Variants in CHEK2 observed in about 807,000 individuals in gnomAD.
CHEK2 encodes the protein checkpoint kinase 2, also known as serine/threonine-protein kinase Chk2.
In CHEK2, 71 loss-of-function variants were observed where a neutral mutation model predicts 69.1. The observed-to-expected ratio is 1.03, with a 90% CI of 0.85 to 1.25. The LOEUF (loss-of-function observed/expected upper bound fraction) is 1.25, where lower values mean the gene tolerates loss of function less well. Ranked by LOEUF, CHEK2 falls within the 50% of genes most tolerant of loss-of-function variation. The pLI is 0.00. For missense variants in CHEK2, 664 were observed against 649.6 expected (o/e 1.02, Z -0.24); for synonymous variants, 189 against 226.9 (o/e 0.83, Z 1.50).
intron 7 of CHEK2, among the ~76,000 whole-genome samples, chr22:28,704,522 A>G (rs985386718): frequency 6.6e-6 from 1 of 151,900 alleles, no homozygotes; most frequent in Non-Finnish European, 1.5e-5. Context: ...TAGTAGAGAG[A>G]GGGTTTCACC....
intron 2 of CHEK2, among the ~76,000 whole-genome samples, chr22:28,732,288 T>C (rs921274812): frequency 6.6e-6 from 1 of 152,100 alleles, no homozygotes; most frequent in Non-Finnish European, 1.5e-5. Flanking sequence ...ATTTTGTATT[T>C]TTAGTAGAGA....
intron 12 of CHEK2, among the ~76,000 whole-genome samples, 170 bp from the exon 13 acceptor site, chr22:28,694,287 G>A (rs894514026): frequency 6.6e-6 from 1 of 152,214 alleles, no homozygotes; most frequent in Non-Finnish European, 1.5e-5. Context: ...TCAGAGTACT[G>A]TGAGAAGACC....
At chr22:28,694,005 T>C (rs780697335) in intron 13 of CHEK2, 27 bp downstream of exon 13, 12 of 1,447,318 alleles carry the variant, frequency 8.3e-6, no homozygotes, top group South Asian at 1.1e-5. Flanking sequence ...ATGTATTTTA[T>C]GCTAGCAGGC....
intron 2 of CHEK2, chr22:28,726,313 G>A (rs1180927166): frequency 6.6e-6 from 1 of 151,486 alleles, no homozygotes; most frequent in Non-Finnish European, 1.5e-5. Flanking sequence ...ATGCTACAAT[G>A]GGCTGTGATC....
intron 5 of CHEK2, 136 bp downstream of exon 5, chr22:28,719,258 TA>T (rs1488393946): frequency 2.2e-5 from 11 of 490,538 alleles, no homozygotes; most frequent in Non-Finnish European, 4.0e-5. Context: ...AAAATAAAAA[TA>T]AAAAATAATA....
intron 5 of CHEK2, among the ~76,000 whole-genome samples, chr22:28,713,460 C>T (rs1400749462): frequency 2.0e-5 from 3 of 148,510 alleles, no homozygotes; most frequent in African/African-American, 5.0e-5. Flanking sequence ...CCCGGGTTCA[C>T]GCCATTCTGC....
chr22:28,741,796 T>A lies in CHEK2; in HGVS notation c.-34A>T, dbSNP rs121908696. Reference sequence around the variant, plus strand: ...CGTGAGCCCACCTGGAGCCGCACACTCTCCGCAGCCTCAGCCAGCAGAGTG... The same window carrying A: ...CGTGAGCCCACCTGGAGCCGCACACACTCCGCAGCCTCAGCCAGCAGAGTG... On this transcript the variant is annotated 5_prime_UTR_variant, in exon 1 of 15. Coordinates refer to ENST00000404276, the MANE Select transcript of CHEK2 (RefSeq NM_007194.4). The A allele has an allele frequency of 4.0e-6, 2 of 496,772 alleles. No individual in the cohort carries two copies. Among genetic ancestry groups the A allele is most frequent in the Non-Finnish European group, 7.3e-6 (2 of 273,490 alleles). 30.8% of individuals were successfully genotyped at this position (496,772 alleles called of 1,614,324 possible).
intron 7 of CHEK2, among the ~76,000 whole-genome samples, chr22:28,706,780 C>T (rs190465836): frequency 1.3e-5 from 2 of 152,028 alleles, no homozygotes; most frequent in Admixed American, 1.3e-4. Flanking sequence ...TTAGCTGAGC[C>T]TGGTGGTGGG....
intron 9 of CHEK2, among the ~76,000 whole-genome samples, chr22:28,699,425 G>A (rs958060826): frequency 1.4e-5 from 2 of 138,180 alleles, no homozygotes; most frequent in Non-Finnish European, 3.0e-5. Context: ...GAGCACAGTG[G>A]CATGATCTCA....
At chr22:28,722,232 T>C (rs2053811180) in intron 4 of CHEK2, among the ~76,000 whole-genome samples, 1 of 151,796 alleles carries the variant, frequency 6.6e-6, no homozygotes, top group Admixed American at 6.6e-5. Flanking sequence ...GCCCTGACTA[T>C]AACTGTCAGA....
At chr22:28,706,879 G>A (rs959552497) in intron 7 of CHEK2, among the ~76,000 whole-genome samples, 1 of 152,144 alleles carries the variant, frequency 6.6e-6, no homozygotes, top group Non-Finnish European at 1.5e-5. Context: ...TCATGCCACT[G>A]CACTCCAGCC....
chr22:28,701,902 T>C (rs2052865913), intron 8 of CHEK2, among the ~76,000 whole-genome samples: 1 of 152,026 alleles, frequency 6.6e-6, no homozygotes, highest in Admixed American at 6.5e-5. Context: ...AAGCCCTTTA[T>C]ATAAAATGGC....
intron 14 of CHEK2, among the ~76,000 whole-genome samples, chr22:28,688,231 C>A (rs2145741682): frequency 6.6e-6 from 1 of 152,296 alleles, no homozygotes; most frequent in South Asian, 2.1e-4. Context: ...ATACTGAAAG[C>A]AAGTAGCATA....
At chr22:28,713,160 A>G (rs2053463904) in intron 5 of CHEK2, among the ~76,000 whole-genome samples, 1 of 152,192 alleles carries the variant, frequency 6.6e-6, no homozygotes, top group African/African-American at 2.4e-5. Flanking sequence ...TCCTTTTTAC[A>G]GCTGAATAAT....
intron 8 of CHEK2, 66 bp from the exon 9 acceptor site, chr22:28,700,003 A>T: frequency 2.0e-6 from 2 of 999,030 alleles, no homozygotes; most frequent in Non-Finnish European, 3.1e-6. Flanking sequence ...AGAAGACAAT[A>T]AAACAACAAA....
At chr22:28,717,044 C>T (rs553845902) in intron 5 of CHEK2, among the ~76,000 whole-genome samples, 1 of 152,268 alleles carries the variant, frequency 6.6e-6, no homozygotes, top group South Asian at 2.1e-4. Context: ...TGAACAGTGC[C>T]TCTCTTCTCA....
intron 2 of CHEK2, among the ~76,000 whole-genome samples, chr22:28,729,934 T>C (rs1021606909): frequency 1.3e-4 from 19 of 151,778 alleles, no homozygotes; most frequent in Non-Finnish European, 2.5e-4. Flanking sequence ...CATTTTTTTT[T>C]TCTTTTGAGT....
chr22:28,725,025 G>T lies in CHEK2; in HGVS notation c.544C>A (p.Pro182Thr), dbSNP rs786203973. 14 of 1,613,746 alleles carry T rather than the reference G, an allele frequency of 8.7e-6. No homozygotes were observed. The highest frequency in any genetic ancestry group is 1.6e-4 in the Middle Eastern group (1 of 6,084). ...TELVGKGKRRPLNNNSEIALS... is the reference protein window; with the variant it reads ...TELVGKGKRRTLNNNSEIALS... Reference sequence around the variant, plus strand: ...GCAATTTCAGAATTGTTATTCAAAGGACGGCGTTTTCCTTTCCCTACAAGC... The same window carrying T: ...GCAATTTCAGAATTGTTATTCAAAGTACGGCGTTTTCCTTTCCCTACAAGC... The change falls in exon 4 of 15, where the codon CCT becomes ACT. Residue 182 changes from proline to threonine, a missense_variant. Coordinates refer to ENST00000404276, the MANE Select transcript of CHEK2 (RefSeq NM_007194.4).
chr22:28,692,052 C>T (rs917892843), intron 13 of CHEK2, among the ~76,000 whole-genome samples: 9 of 152,230 alleles, frequency 5.9e-5, no homozygotes, highest in Non-Finnish European at 1.2e-4. Context: ...CCAGGGAGAT[C>T]CTGCAACAGA....
Sources: gnomAD v4.1 joint callset for allele counts (sites outside exome capture counted in the v4.1 genomes callset) on GRCh38, gnomAD v4.1.1 for gene constraint, MANE v1.5 for transcripts, NCBI Gene and HGNC (gene_info 2026-07-23, HGNC 2026-07-21) for gene names.